Variants in ASAP2 observed in about 807,000 individuals in gnomAD.
ASAP2 encodes the protein arf-GAP with SH3 domain, ANK repeat and PH domain-containing protein 2.
A neutral mutation model predicts 131.4 loss-of-function variants in ASAP2; 45 were observed. That is an observed-to-expected ratio of 0.34 (90% CI 0.27 to 0.44). ASAP2 has a LOEUF of 0.44. ASAP2 is among the 20% of genes least tolerant of loss of function. The pLI is 1.00. For missense variants in ASAP2, 1,011 were observed against 1,297.0 expected (o/e 0.78, Z 3.39); for synonymous variants, 510 against 503.0 (o/e 1.01, Z -0.19).
At chr2:9,379,761 G>A (rs530514897) in intron 19 of ASAP2, among the ~76,000 whole-genome samples, 2 of 152,232 alleles carry the variant, frequency 1.3e-5, no homozygotes, top group East Asian at 1.9e-4. Context: ...ATTATAGGCC[G>A]GGTGCAGTGG....
chr2:9,330,193 G>A (rs1670739290), intron 7 of ASAP2, among the ~76,000 whole-genome samples: 1 of 152,288 alleles, frequency 6.6e-6, no homozygotes. Flanking sequence ...AGGATGTGCT[G>A]AGTGGTTCAT....
At chr2:9,326,966 A>C (rs552020938) in intron 6 of ASAP2, among the ~76,000 whole-genome samples, 5 of 152,242 alleles carry the variant, frequency 3.3e-5, no homozygotes, top group African/African-American at 1.2e-4. Flanking sequence ...AATTTGATAC[A>C]TTACCAAATA....
At chr2:9,271,344 G>A (rs1025180268) in intron 1 of ASAP2, 2 of 1,111,068 alleles carry the variant, frequency 1.8e-6, no homozygotes, top group African/African-American at 3.1e-5. Context: ...ACGAGGAACT[G>A]GCATAATATA....
intron 1 of ASAP2, among the ~76,000 whole-genome samples, chr2:9,267,100 T>TAC (rs902963745): frequency 2.6e-5 from 4 of 152,224 alleles, no homozygotes; most frequent in African/African-American, 9.6e-5. Context: ...ATCTTATATA[T>TAC]ACACACACAT....
At chr2:9,266,260 C>T (rs1665942718) in intron 1 of ASAP2, among the ~76,000 whole-genome samples, 1 of 151,554 alleles carries the variant, frequency 6.6e-6, no homozygotes, top group African/African-American at 2.4e-5. Context: ...GATCCTCCTG[C>T]TTCAGCCTCA....
intron 1 of ASAP2, among the ~76,000 whole-genome samples, chr2:9,231,580 C>T (rs72773351): frequency 0.034 from 5,164 of 152,306 alleles, 121 homozygotes; most frequent in Middle Eastern, 0.095. Context: ...GGTGCCGCCA[C>T]ACCCCTAGCC....
chr2:9,240,728 T>G (rs1303325757), intron 1 of ASAP2, among the ~76,000 whole-genome samples: 3 of 152,244 alleles, frequency 2.0e-5, no homozygotes, highest in Non-Finnish European at 4.4e-5. Flanking sequence ...ATAGGAATTT[T>G]TCCTTAAGTC....
rs532171836 is a variant in ASAP2, at chr2:9,251,130, G to A, written c.127-28187G>A. Among the ~76,000 whole-genome samples the A allele has an allele frequency of 3.7e-3, 569 of 152,358 alleles. 6 individuals are homozygous for A. Among genetic ancestry groups the A allele is most frequent in the African/African-American group, 0.013 (534 of 41,582 alleles). On this transcript the variant is annotated intron_variant, in intron 1 of 27. Transcript: ENST00000281419. Reference sequence around the variant, plus strand: ...CAGGGAATAAGTGGACGGGAGTGGAGCGTGGAGGGCTGGTAAACAGATCGC... The same window carrying A: ...CAGGGAATAAGTGGACGGGAGTGGAACGTGGAGGGCTGGTAAACAGATCGC...
chr2:9,298,846 T>A (rs887060571), intron 3 of ASAP2, among the ~76,000 whole-genome samples: 1 of 151,998 alleles, frequency 6.6e-6, no homozygotes, highest in African/African-American at 2.4e-5. Context: ...CACACTTCAG[T>A]ACAGATGAGC....
chr2:9,259,048 A>G (rs1665387426), intron 1 of ASAP2, among the ~76,000 whole-genome samples: 1 of 152,068 alleles, frequency 6.6e-6, no homozygotes, highest in South Asian at 2.1e-4. Flanking sequence ...CTGTCCCCTT[A>G]GCAGGGAAGG....
intron 4 of ASAP2, 76 bp from the exon 5 acceptor site, chr2:9,320,212 G>A: frequency 8.0e-7 from 1 of 1,246,576 alleles, no homozygotes; most frequent in Non-Finnish European, 1.2e-6. Context: ...TTCAGGGCTA[G>A]TACAGGGATA....
At position 9,385,465 on chromosome 2, in the gene ASAP2, T is replaced by C. The variant is rs73150946; in HGVS notation, c.2130+107T>C. On this transcript the variant is annotated intron_variant, in intron 21 of 27. Transcript: ENST00000281419. ...GAAAGCTGTTTTATAGAAATGAAAA[T>C]GTAGCTTACTTTATGCTTTCATTGA... The C allele has an allele frequency of 4.1e-4, 352 of 863,920 alleles. 1 individual carries two copies. The African/African-American group carries it at 5.2e-3, about 13-fold the overall frequency. The allele number at this position is 863,920 out of a possible 1,614,324, so 53.5% of individuals were successfully genotyped here.
At chr2:9,363,073 T>TTTCACTTAGTATAATGTCCTTCAGG (rs1423602852) in intron 15 of ASAP2, among the ~76,000 whole-genome samples, 16 of 152,244 alleles carry the variant, frequency 1.1e-4, no homozygotes, top group Non-Finnish European at 1.5e-5. Context: ...GCCTGGCTTA[T>TTTCACTTAGTATAATGTCCTTCAGG]TTCACTTAGT....
At chr2:9,337,837 T>C (rs555557613) in intron 9 of ASAP2, among the ~76,000 whole-genome samples, 5 of 152,382 alleles carry the variant, frequency 3.3e-5, no homozygotes, top group African/African-American at 9.6e-5. Context: ...AGGAGAATAC[T>C]ACTCTTTGGT....
intron 1 of ASAP2, among the ~76,000 whole-genome samples, chr2:9,265,735 G>A (rs917476691): frequency 5.3e-5 from 8 of 151,894 alleles, no homozygotes; most frequent in Admixed American, 3.9e-4. Context: ...GTGTCTGTGC[G>A]TGTAATGGAT....
intron 1 of ASAP2, among the ~76,000 whole-genome samples, chr2:9,236,547 G>A (rs1663565532): frequency 6.6e-6 from 1 of 152,082 alleles, no homozygotes; most frequent in Admixed American, 6.5e-5. Context: ...ACTTAATTTA[G>A]TTTTATAATT....
Position 9,265,668 on chromosome 2 carries a change from G to T in ASAP2, c.127-13649G>T, listed in dbSNP as rs555019649. Among the ~76,000 whole-genome samples the T allele has an allele frequency of 2.6e-5, 4 of 152,188 alleles. No individual in the cohort carries two copies. The East Asian group carries it at 7.7e-4, about 29-fold the overall frequency. ...GTTTTAAGTGTTTGATATATCACTT[G>T]TCTATCCTCTTTTATAAGTATTTTT... On this transcript the variant is annotated intron_variant, in intron 1 of 27. Transcript: ENST00000281419.
chr2:9,250,348 G>A (rs781394520), intron 1 of ASAP2, among the ~76,000 whole-genome samples: 5 of 152,216 alleles, frequency 3.3e-5, no homozygotes, highest in Non-Finnish European at 2.9e-5. Context: ...GAAAGAACAC[G>A]ACATGTGAAT....
At chr2:9,322,996 C>A in intron 5 of ASAP2, 125 bp from the exon 6 acceptor site, 1 of 1,160,776 alleles carries the variant, frequency 8.6e-7, no homozygotes, top group Non-Finnish European at 1.2e-6. Flanking sequence ...AGTTGAGAGG[C>A]TGCCTGTGCT....
Sources: gnomAD v4.1 joint callset for allele counts (sites outside exome capture counted in the v4.1 genomes callset) on GRCh38, gnomAD v4.1.1 for gene constraint, MANE v1.5 for transcripts, NCBI Gene and HGNC (gene_info 2026-07-23, HGNC 2026-07-21) for gene names.